The following NKD2 variants were observed in gnomAD, a reference collection of about 807,000 sequenced individuals.
NKD2 encodes the protein NKD inhibitor of Wnt signaling pathway 2, also known as protein naked cuticle homolog 2.
Under a neutral mutation model 34.8 loss-of-function variants are expected in NKD2, and 43 were observed. The observed-to-expected ratio is 1.24, with a 90% CI of 0.97 to 1.60. The LOEUF is 1.60. NKD2 is among the 40% of genes most tolerant of loss of function. The pLI, the probability that NKD2 is intolerant of heterozygous loss-of-function variation, is 0.00. For missense variants in NKD2, 675 were observed against 627.1 expected, an observed-to-expected ratio of 1.08 and a Z score of -0.82; for synonymous variants, 278 against 265.1, an observed-to-expected ratio of 1.05 and a Z score of -0.47.
chr5:1,030,528 C>T (rs1022463004), intron 3 of NKD2, among the ~76,000 whole-genome samples: 1 of 139,916 alleles, frequency 7.1e-6, no homozygotes, highest in Admixed American at 6.9e-5. Flanking sequence ...TGCAGCCTCA[C>T]CCATTATTCT....
intron 3 of NKD2, among the ~76,000 whole-genome samples, chr5:1,021,686 C>G (rs1425982756): frequency 6.6e-6 from 1 of 151,940 alleles, no homozygotes; most frequent in Non-Finnish European, 1.5e-5. Flanking sequence ...TGGCGGATCA[C>G]CTTGAAGTCA....
intron 9 of NKD2, chr5:1,036,814 G>A (rs933126195): frequency 1.3e-5 from 6 of 456,732 alleles, no homozygotes; most frequent in African/African-American, 8.0e-5. Context: ...CAGTGTGGAC[G>A]GCAGGGCAGG....
chr5:1,020,696 T>G (rs1478688979), intron 3 of NKD2, among the ~76,000 whole-genome samples: 17 of 145,350 alleles, frequency 1.2e-4, no homozygotes, highest in African/African-American at 3.4e-4. Context: ...TTTTTCTGCA[T>G]GTGTTTTACG....
chr5:1,034,411 A>G (rs1312571184), intron 6 of NKD2, 81 bp downstream of exon 6: 4 of 1,120,836 alleles, frequency 3.6e-6, no homozygotes, highest in Non-Finnish European at 5.3e-6. Context: ...GCGATACCTC[A>G]GGGGGCAGGA....
intron 9 of NKD2, chr5:1,037,384 G>C (rs1195938397): frequency 3.8e-6 from 3 of 783,700 alleles, no homozygotes; most frequent in Non-Finnish European, 6.2e-6. Context: ...ACCCTACAGG[G>C]CTCGCACTGC....
chr5:1,023,346 C>G (rs1242538750), intron 3 of NKD2, among the ~76,000 whole-genome samples: 13 of 35,218 alleles, frequency 3.7e-4, no homozygotes, highest in Non-Finnish European at 7.6e-4. Context: ...AGCCCATTGT[C>G]CCTGCTCTTC....
chr5:1,012,263 G>GGA (rs1167495102), intron 3 of NKD2, among the ~76,000 whole-genome samples: 1 of 152,266 alleles, frequency 6.6e-6, no homozygotes, highest in Non-Finnish European at 1.5e-5. Context: ...GTAGTGCTGA[G>GGA]GAAGGGTGCG....
rs1328399677 is a variant in NKD2, at chr5:1,012,082, TG to T, written c.141+2524del. 1.1e-4 allele frequency among the ~76,000 whole-genome samples: 17 copies of T among 152,354 alleles called. No homozygotes were observed. The South Asian group carries it at 1.9e-3, about 17-fold the overall frequency. On this transcript the variant is annotated intron_variant, in intron 3 of 9. Transcript: ENST00000296849. Reference sequence around the variant, plus strand: ...CAAGTGGTAGTGACTGCAGGGAGGATGGCTTCAGGCCTGGGAACAGGCTGCC... The same window carrying T: ...CAAGTGGTAGTGACTGCAGGGAGGATGCTTCAGGCCTGGGAACAGGCTGCC...
chr5:1,009,551 G>A lies in NKD2; in HGVS notation c.132G>A (p.Arg44=). ...CGGAGGAAGCGGAGCGGCGCGCGCG[G>A]GACAAGCAGGTAGGCGGCGGGGCGG... ...KGAEEAERRA[R]DKQELPNGDP... Residue 44 remains arginine (R), a synonymous_variant, in exon 3 of 10, where the codon CGG becomes CGA. Coordinates refer to ENST00000296849, the MANE Select transcript of NKD2 (RefSeq NM_033120.4). This position sits in a 1 kb window ranked among gnomAD's most constrained non-coding sequence, Gnocchi z 6.9. The A allele has an allele frequency of 6.7e-7, 1 of 1,486,240 alleles. No individual in the cohort carries two copies. The allele number at this position is 1,486,240 out of a possible 1,614,324, so 92.1% of individuals were successfully genotyped here.
intron 8 of NKD2, chr5:1,035,842 G>T: frequency 2.5e-6 from 1 of 397,432 alleles, no homozygotes; most frequent in Non-Finnish European, 4.5e-6. Context: ...AGTGGTTGGG[G>T]GTGGCTGGGG....
chr5:1,009,496 C>G lies in NKD2; in HGVS notation c.77C>G (p.Ala26Gly). 6.7e-7 allele frequency: 1 copy of G among 1,498,832 alleles called. No individual in the cohort carries two copies. Among genetic ancestry groups the G allele is most frequent in the Non-Finnish European group, 8.8e-7 (1 of 1,132,412 alleles). The allele number at this position is 1,498,832 out of a possible 1,614,324, so 92.8% of individuals were successfully genotyped here. A position where few individuals can be genotyped will look rare whatever the true frequency, so the allele number is the denominator to read the frequency against. Reference sequence around the variant, plus strand: ...CGGACCGCAGGGGACAGCTTCGTGGCGTCCGCGTACGCGAGCGGCCGCAAA... The same window carrying G: ...CGGACCGCAGGGGACAGCTTCGTGGGGTCCGCGTACGCGAGCGGCCGCAAA... Reference protein sequence around the residue: ...RESPEGDSFVASAYASGRKGA... With the variant: ...RESPEGDSFVGSAYASGRKGA... Residue 26 changes from alanine to glycine, a missense_variant, in exon 3 of 10, where the codon GCG (alanine) becomes GGG (glycine). Ala to Gly is a moderately conservative substitution (Grantham distance 60). Coordinates refer to ENST00000296849, the MANE Select transcript of NKD2 (RefSeq NM_033120.4). This position sits in a 1 kb window ranked among gnomAD's most constrained non-coding sequence, Gnocchi z 6.9.
At position 1,035,151 on chromosome 5, in the gene NKD2, A is replaced by AGT. The variant is rs1733804616; in HGVS notation, c.575-237_575-236dup. ...GAACAAGTGAGTTAATGAATGAATG[A>AGT]GTTAATGAATGAGTGAGTGTTAATG... On this transcript the variant is annotated intron_variant, in intron 7 of 9. Transcript: ENST00000296849. 2.6e-5 allele frequency among the ~76,000 whole-genome samples: 4 copies of AGT among 151,058 alleles called. No individual in the cohort carries two copies. The East Asian group carries it at 7.8e-4, about 29-fold the overall frequency.
intron 3 of NKD2, among the ~76,000 whole-genome samples, chr5:1,019,709 C>T (rs758544473): frequency 5.9e-5 from 9 of 152,194 alleles, no homozygotes; most frequent in Non-Finnish European, 1.0e-4. Flanking sequence ...TTGGTAAGGA[C>T]ATCGACGTTG....
rs1210849384 is a variant in NKD2 at position 1,038,383 on chromosome 5, C to G, written c.*10C>G. The G allele has an allele frequency of 1.3e-6, 2 of 1,535,894 alleles. No homozygotes were observed. Among genetic ancestry groups the G allele is most frequent in the Non-Finnish European group, 1.7e-6 (2 of 1,146,850 alleles). On this transcript the variant is annotated 3_prime_UTR_variant, in exon 10 of 10. Coordinates refer to ENST00000296849, the MANE Select transcript of NKD2 (RefSeq NM_033120.4). This position sits in a 1 kb window ranked among gnomAD's most constrained non-coding sequence, Gnocchi z 4.5. ...CTTCCACCCGTCCTAGCGCCACTGC[C>G]AAGCACACCTCGCTCCCAGCACACC...
intron 3 of NKD2, among the ~76,000 whole-genome samples, chr5:1,026,804 G>A (rs1756430962): frequency 6.6e-6 from 1 of 152,264 alleles, no homozygotes; most frequent in South Asian, 2.1e-4. Flanking sequence ...CCTGGACGTG[G>A]CCTTGGTCCT....
intron 3 of NKD2, among the ~76,000 whole-genome samples, chr5:1,026,175 GTCCCTGCTCT>G (rs1756389033): frequency 1.6e-5 from 1 of 60,632 alleles, no homozygotes; most frequent in African/African-American, 5.1e-5. Flanking sequence ...CCAGCCCTTT[GTCCCTGCTCT>G]TCCCACCCTC....
chr5:1,020,733 G>GCCCTGGGCCTGT (rs1370871174), intron 3 of NKD2, among the ~76,000 whole-genome samples: 2 of 147,894 alleles, frequency 1.4e-5, no homozygotes, highest in Non-Finnish European at 3.0e-5. Context: ...GGGCAGGGCA[G>GCCCTGGGCCTGT]CCCTGGGCCT....
chr5:1,017,401 C>T (rs1756003148), intron 3 of NKD2, among the ~76,000 whole-genome samples: 1 of 152,262 alleles, frequency 6.6e-6, no homozygotes, highest in Admixed American at 6.5e-5. Context: ...CCAGCCAGCC[C>T]CAGACAGAGC....
At position 1,038,520 on chromosome 5, in the gene NKD2, T is replaced by G; in HGVS notation, c.*147T>G. Reference sequence around the variant, plus strand: ...GCAAACAGCAACTGACTGCAGGTGCTGGCATGATGGAGGTGGTGCACCTTG... The same window carrying G: ...GCAAACAGCAACTGACTGCAGGTGCGGGCATGATGGAGGTGGTGCACCTTG... On this transcript the variant is annotated 3_prime_UTR_variant, in exon 10 of 10. Coordinates refer to ENST00000296849, the MANE Select transcript of NKD2 (RefSeq NM_033120.4). This position sits in a 1 kb window ranked among gnomAD's most constrained non-coding sequence, Gnocchi z 4.5. 6.7e-7 allele frequency: 1 copy of G among 1,487,070 alleles called. No individual in the cohort carries two copies. The highest frequency in any genetic ancestry group is 9.1e-7 in the Non-Finnish European group (1 of 1,104,954). 92.1% of individuals were successfully genotyped at this position (1,487,070 alleles called of 1,614,324 possible).
Sources: gnomAD v4.1 joint callset for allele counts (sites outside exome capture counted in the v4.1 genomes callset) on GRCh38, gnomAD v4.1.1 for gene constraint, Gnocchi (gnomAD v3.1) non-coding constraint, MANE v1.5 for transcripts, NCBI Gene and HGNC (gene_info 2026-07-23, HGNC 2026-07-21) for gene names.